KHDRBS3: variants seen among roughly 807,000 people sequenced by gnomAD.
KHDRBS3 encodes the protein KH RNA binding domain containing, signal transduction associated 3.
A neutral mutation model predicts 45.6 loss-of-function variants in KHDRBS3; 23 were observed. That is an observed-to-expected ratio of 0.50 (90% confidence interval 0.36 to 0.72). The LOEUF (loss-of-function observed/expected upper bound fraction) is 0.72. KHDRBS3 is among the 30% of genes least tolerant of loss of function. The probability of loss-of-function intolerance (pLI) is 0.00; values close to 1 mark genes in which losing one functional copy is unlikely to be tolerated. For synonymous variants in KHDRBS3, 162 were observed against 156.5 expected, an observed-to-expected ratio of 1.04 and a Z score of -0.26; for missense variants, 352 against 424.8, an observed-to-expected ratio of 0.83 and a Z score of 1.51.
intron 6 of KHDRBS3, among the ~76,000 whole-genome samples, chr8:135,588,481 G>A (rs1005228718): frequency 1.3e-5 from 2 of 152,054 alleles, no homozygotes; most frequent in Non-Finnish European, 2.9e-5. Flanking sequence ...GGCCATTAGC[G>A]ATTGACTCAA....
At chr8:135,492,299 TC>T (rs1477625583) in intron 1 of KHDRBS3, among the ~76,000 whole-genome samples, 3 of 152,108 alleles carry the variant, frequency 2.0e-5, no homozygotes, top group African/African-American at 4.8e-5. Flanking sequence ...ACTTTGTGTA[TC>T]TTAAAATGCA....
chr8:135,635,946 C>T (rs1026386035), intron 7 of KHDRBS3, among the ~76,000 whole-genome samples: 1 of 152,218 alleles, frequency 6.6e-6, no homozygotes, highest in Non-Finnish European at 1.5e-5. Context: ...ACTTGACCAT[C>T]AGTTTACAGT....
At chr8:135,578,663 A>G (rs1485881743) in intron 5 of KHDRBS3, among the ~76,000 whole-genome samples, 1 of 152,080 alleles carries the variant, frequency 6.6e-6, no homozygotes, top group Non-Finnish European at 1.5e-5. Flanking sequence ...GTCTTCTAAC[A>G]TTGTTTTTCT....
Position 135,581,012 on chromosome 8 carries a change from T to C in KHDRBS3, c.612-866T>C, listed in dbSNP as rs565202150. On this transcript the variant is annotated intron_variant, in intron 5 of 8. Coordinates refer to ENST00000355849, the MANE Select transcript of KHDRBS3 (RefSeq NM_006558.3). ...TCATCAGTCTTTTCAAAGTCCAGCT[T>C]TGGGTTTTGATAATTTGCTATTTTT... 3.3e-5 allele frequency among the ~76,000 whole-genome samples: 5 copies of C among 152,296 alleles called. No homozygotes were observed. In the East Asian group the frequency reaches 5.8e-4, roughly 18 times the overall value.
At chr8:135,652,145 A>G (rs1410902385), downstream of KHDRBS3, among the ~76,000 whole-genome samples, 1 of 152,250 alleles carries the variant, frequency 6.6e-6, no homozygotes, top group East Asian at 1.9e-4. Flanking sequence ...CAGAAAGGAA[A>G]AAATCCATCA....
At chr8:135,459,702 T>C (rs1394058827) in intron 1 of KHDRBS3, among the ~76,000 whole-genome samples, 1 of 152,248 alleles carries the variant, frequency 6.6e-6, no homozygotes, top group Non-Finnish European at 1.5e-5. Flanking sequence ...TACAGTGCGT[T>C]ATCTTATTTT....
chr8:135,487,330 G>C (rs566248019), intron 1 of KHDRBS3, among the ~76,000 whole-genome samples: 2 of 152,278 alleles, frequency 1.3e-5, no homozygotes, highest in Middle Eastern at 6.8e-3. Flanking sequence ...GGCCATTCTT[G>C]TGTCTCTTTC....
At chr8:135,597,539 T>G (rs527697551) in intron 6 of KHDRBS3, among the ~76,000 whole-genome samples, 1 of 152,258 alleles carries the variant, frequency 6.6e-6, no homozygotes, top group Non-Finnish European at 1.5e-5. Context: ...CTGGCCATAG[T>G]GTCTAAAATC....
chr8:135,573,709 TTTTTTTG>T (rs1827817101), intron 5 of KHDRBS3, among the ~76,000 whole-genome samples: 1 of 124,880 alleles, frequency 8.0e-6, no homozygotes, highest in Non-Finnish European at 1.6e-5. Context: ...TGAGTGACTG[TTTTTTTG>T]TTTTTGTTTT....
chr8:135,547,675 G>A (rs1826378330), intron 3 of KHDRBS3, among the ~76,000 whole-genome samples: 1 of 152,160 alleles, frequency 6.6e-6, no homozygotes, highest in South Asian at 2.1e-4. Flanking sequence ...TTGGCCTCTT[G>A]CTTAATTGTG....
intron 7 of KHDRBS3, among the ~76,000 whole-genome samples, chr8:135,627,183 G>A (rs1030651378): frequency 1.3e-5 from 2 of 152,140 alleles, no homozygotes; most frequent in African/African-American, 2.4e-5. Context: ...CCAAGCTCAC[G>A]TGACAGCTTT....
At chr8:135,594,980 AATGG>A (rs1161993671) in intron 6 of KHDRBS3, among the ~76,000 whole-genome samples, 2 of 152,364 alleles carry the variant, frequency 1.3e-5, no homozygotes, top group East Asian at 1.9e-4. Context: ...TCAATAGTAG[AATGG>A]ATGAACAAAT....
chr8:135,507,598 A>G (rs1824071540), intron 1 of KHDRBS3, among the ~76,000 whole-genome samples: 1 of 152,192 alleles, frequency 6.6e-6, no homozygotes, highest in South Asian at 2.1e-4. Context: ...CAGCATGTGA[A>G]TGTCTGCATT....
chr8:135,578,568 G>T (rs748522076), intron 5 of KHDRBS3, among the ~76,000 whole-genome samples: 12 of 151,942 alleles, frequency 7.9e-5, no homozygotes, highest in Non-Finnish European at 1.8e-4. Flanking sequence ...TCTGTATTTT[G>T]TTCCATTGAT....
intron 2 of KHDRBS3, 116 bp from the exon 3 acceptor site, chr8:135,542,538 T>C (rs1424159516): frequency 2.9e-6 from 2 of 681,556 alleles, no homozygotes; most frequent in African/African-American, 3.6e-5. Context: ...AGCAGGAGCT[T>C]AAATATTTGC....
intron 2 of KHDRBS3, among the ~76,000 whole-genome samples, chr8:135,522,056 A>G (rs866085612): frequency 6.6e-6 from 1 of 152,092 alleles, no homozygotes; most frequent in Non-Finnish European, 1.5e-5. Context: ...TCACCTAGGT[A>G]TTAAGCCCCA....
chr8:135,556,556 C>A (rs779667557), intron 4 of KHDRBS3, among the ~76,000 whole-genome samples: 28 of 152,156 alleles, frequency 1.8e-4, no homozygotes, highest in Non-Finnish European at 3.1e-4. Flanking sequence ...TGTTCATATC[C>A]TTTGCCCATT....
At chr8:135,551,637 T>C (rs759057126) in intron 4 of KHDRBS3, among the ~76,000 whole-genome samples, 7 of 152,162 alleles carry the variant, frequency 4.6e-5, no homozygotes, top group Non-Finnish European at 1.0e-4. Context: ...CTTTATGTGT[T>C]GCTAGATATG....
At chr8:135,605,578 A>G (rs917895675) in intron 6 of KHDRBS3, among the ~76,000 whole-genome samples, 1 of 152,120 alleles carries the variant, frequency 6.6e-6, no homozygotes, top group Admixed American at 6.6e-5. Context: ...TGATTCCTTG[A>G]CTACACAACT....
Sources: allele counts gnomAD v4.1 joint callset (sites outside exome capture counted in the v4.1 genomes callset), GRCh38; gene constraint gnomAD v4.1.1; transcripts MANE v1.5; gene names NCBI Gene and HGNC (gene_info 2026-07-23, HGNC 2026-07-21).